The following PIEZO2 variants were observed in gnomAD, a reference collection of about 807,000 sequenced individuals.
The protein encoded by PIEZO2 is piezo type mechanosensitive ion channel component 2.
PIEZO2 carries 172 observed loss-of-function variants against 337.3 expected under a neutral mutation model. The observed-to-expected ratio is 0.51, with a 90% CI of 0.45 to 0.58. The LOEUF is 0.58. Ranked by LOEUF, PIEZO2 falls within the 20% of genes least tolerant of loss-of-function variation. The pLI, the probability that PIEZO2 is intolerant of heterozygous loss-of-function variation, is 0.00. For synonymous variants in PIEZO2, 1,251 were observed against 1,228.5 expected, an observed-to-expected ratio of 1.02 and a Z score of -0.38; for missense variants, 3,028 against 3,391.3, an observed-to-expected ratio of 0.89 and a Z score of 2.66.
chr18:11,034,512 C>G (rs2036855555), intron 2 of PIEZO2, among the ~76,000 whole-genome samples: 2 of 152,104 alleles, frequency 1.3e-5, no homozygotes, highest in Admixed American at 1.3e-4. Context: ...CCAGGATGGT[C>G]TCGATCTCCT....
chr18:11,034,062 C>G (rs2036833793), intron 2 of PIEZO2, among the ~76,000 whole-genome samples: 2 of 152,136 alleles, frequency 1.3e-5, no homozygotes, highest in African/African-American at 4.8e-5. Flanking sequence ...GTGGCCTCTT[C>G]TCACCCAATG....
intron 29 of PIEZO2, among the ~76,000 whole-genome samples, chr18:10,749,149 A>AT (rs747857728): frequency 6.6e-6 from 1 of 151,930 alleles, no homozygotes; most frequent in Non-Finnish European, 1.5e-5. Flanking sequence ...AAATCACATA[A>AT]TAAAAAAAAA....
intron 1 of PIEZO2, among the ~76,000 whole-genome samples, chr18:11,086,496 GCA>G (rs2038919557): frequency 6.9e-6 from 1 of 145,502 alleles, no homozygotes; most frequent in African/African-American, 2.7e-5. Flanking sequence ...TCCAGCCTGG[GCA>G]ACAGAGCGAG....
At chr18:11,055,570 T>G (rs1349854366) in intron 2 of PIEZO2, among the ~76,000 whole-genome samples, 1 of 152,158 alleles carries the variant, frequency 6.6e-6, no homozygotes, top group Non-Finnish European at 1.5e-5. Flanking sequence ...AGCACAGAGG[T>G]GCCAATTCAA....
chr18:10,701,285 C>T (rs1034750730), intron 43 of PIEZO2, among the ~76,000 whole-genome samples: 9 of 152,186 alleles, frequency 5.9e-5, no homozygotes, highest in African/African-American at 1.4e-4. Flanking sequence ...GGCGTATTTA[C>T]AAGTTTAGTT....
intron 4 of PIEZO2, 58 bp from the exon 5 acceptor site, chr18:10,871,473 A>G (rs973874647): frequency 2.1e-6 from 3 of 1,447,354 alleles, no homozygotes; most frequent in Non-Finnish European, 1.8e-6. Flanking sequence ...TTCTACGGTT[A>G]AACTGCCTTA....
Position 10,696,415 on chromosome 18 carries a change from CAAT to C in PIEZO2, c.6949_6951del (p.Ile2317del), listed in dbSNP as rs1567957936. On this transcript the variant is annotated inframe_deletion, in exon 46 of 56. Coordinates refer to ENST00000674853, the MANE Select transcript of PIEZO2 (RefSeq NM_001378183.1). ...ACCCCAAAGGCCCAAAAGCCGAAGA[CAAT>C]GATGATGAAGTCCACAGTGTCAGCC... 2.5e-6 allele frequency: 4 copies of C among 1,614,218 alleles called. No individual in the cohort carries two copies. Among genetic ancestry groups the C allele is most frequent in the African/African-American group, 1.3e-5 (1 of 75,056 alleles).
chr18:10,924,638 CA>C (rs1458402951), intron 3 of PIEZO2, among the ~76,000 whole-genome samples: 1 of 152,096 alleles, frequency 6.6e-6, no homozygotes, highest in Non-Finnish European at 1.5e-5. Flanking sequence ...CATTTTTGCC[CA>C]ACAAAAATTT....
intron 27 of PIEZO2, among the ~76,000 whole-genome samples, chr18:10,753,858 CT>C (rs548949328): frequency 6.6e-5 from 10 of 152,162 alleles, no homozygotes; most frequent in East Asian, 1.9e-4. Context: ...ATTTTTATAA[CT>C]TTTTTTCTAA....
At position 11,031,521 on chromosome 18, in the gene PIEZO2, T is replaced by C. The variant is rs1411213888; in HGVS notation, c.160+34606A>G. Among the ~76,000 whole-genome samples the C allele has an allele frequency of 2.0e-5, 3 of 152,236 alleles. No individual in the cohort carries two copies. On this transcript the variant is annotated intron_variant, in intron 2 of 55. Coordinates refer to ENST00000674853, the MANE Select transcript of PIEZO2 (RefSeq NM_001378183.1). The surrounding 1 kb of genome is among the most constrained non-coding windows in gnomAD (Gnocchi z 4.7). ...TTTTATAACACTGGAACTTATACTA[T>C]TTGATATTTTAATATTCTTCACAGA...
intron 39 of PIEZO2, among the ~76,000 whole-genome samples, chr18:10,711,409 G>A (rs968246441): frequency 3.3e-5 from 5 of 152,034 alleles, no homozygotes; most frequent in African/African-American, 9.7e-5. Context: ...TGATACTCAG[G>A]AGGCCTATAA....
Position 10,736,730 on chromosome 18 carries a change from C to T in PIEZO2, c.4709-20G>A, listed in dbSNP as rs186652632. ...TGACCACTAAGCAAAACAAAATATT[C>T]ACTCATTTCTTGAAAGACATATAAG... On this transcript the variant is annotated intron_variant, in intron 33 of 55. Coordinates refer to ENST00000674853, the MANE Select transcript of PIEZO2 (RefSeq NM_001378183.1). The T allele has an allele frequency of 6.5e-7, 1 of 1,532,488 alleles. No individual in the cohort carries two copies. Among genetic ancestry groups the T allele is most frequent in the East Asian group, 2.4e-5 (1 of 40,844 alleles). The allele number at this position is 1,532,488 out of a possible 1,614,324, so 94.9% of individuals were successfully genotyped here. A position where few individuals can be genotyped will look rare whatever the true frequency, so the allele number is the denominator to read the frequency against.
intron 2 of PIEZO2, among the ~76,000 whole-genome samples, chr18:11,007,103 T>G (rs1467533472): frequency 6.6e-6 from 1 of 152,210 alleles, no homozygotes; most frequent in Non-Finnish European, 1.5e-5. Context: ...CTTATTTTGC[T>G]ATCAAACACT....
chr18:10,767,694 G>A lies in PIEZO2; in HGVS notation c.2946+2454C>T, dbSNP rs1465662107. ...CATGTGTACAAGCAGAGCAGGGCCT[G>A]TGTGAGGGTGGCCCCTGGTCCTGAT... On this transcript the variant is annotated intron_variant, in intron 21 of 55. Coordinates refer to ENST00000674853, the MANE Select transcript of PIEZO2 (RefSeq NM_001378183.1). The surrounding 1 kb of genome is among the most constrained non-coding windows in gnomAD (Gnocchi z 4.2). Among the ~76,000 whole-genome samples, 5 of 152,168 alleles carry A rather than the reference G, an allele frequency of 3.3e-5. No individual in the cohort carries two copies. The highest frequency in any genetic ancestry group is 7.4e-5 in the Non-Finnish European group (5 of 68,024).
In PIEZO2 at chr18:11,127,585, A is replaced by C. The variant is rs1431304677; in HGVS notation, c.64+20940T>G. ...TCGAACATCAGGCTCCAAGTTCTTC[A>C]GTTTCGAGACTCAGACTGGCTCTCC... On this transcript the variant is annotated intron_variant, in intron 1 of 55. Coordinates refer to ENST00000674853, the MANE Select transcript of PIEZO2 (RefSeq NM_001378183.1). This position sits in a 1 kb window ranked among gnomAD's most constrained non-coding sequence, Gnocchi z 4.5. Among the ~76,000 whole-genome samples the C allele has an allele frequency of 6.6e-6, 1 of 152,030 alleles. No individual in the cohort carries two copies. The highest frequency in any genetic ancestry group is 1.5e-5 in the Non-Finnish European group (1 of 68,026).
Position 10,780,312 on chromosome 18 carries a change from T to C in PIEZO2, c.2534+13A>G. 1.4e-6 allele frequency: 1 copy of C among 702,794 alleles called. No individual in the cohort carries two copies. The highest frequency in any genetic ancestry group is 2.6e-6 in the Non-Finnish European group (1 of 384,890). The allele number at this position is 702,794 out of a possible 1,614,324, so 43.5% of individuals were successfully genotyped here. The stretch of plus-strand genomic sequence containing the variant: ...TCGAACAAAAATAAGAGAGAAAACA[T>C]TGAAGTACCCACCTATTTATTATTA... On this transcript the variant is annotated intron_variant, in intron 18 of 55. Transcript: ENST00000674853.
At chr18:11,098,845 T>C (rs1180432168) in intron 1 of PIEZO2, among the ~76,000 whole-genome samples, 1 of 152,138 alleles carries the variant, frequency 6.6e-6, no homozygotes, top group African/African-American at 2.4e-5. Flanking sequence ...TCACCCAGGC[T>C]GCAGTGCATT....
At chr18:11,137,047 G>A (rs1310261531) in intron 1 of PIEZO2, among the ~76,000 whole-genome samples, 2 of 152,144 alleles carry the variant, frequency 1.3e-5, no homozygotes, top group Non-Finnish European at 2.9e-5. Flanking sequence ...AAGCCAATTC[G>A]AATCTAAACA....
chr18:10,883,655 A>G (rs1002476574), intron 4 of PIEZO2, among the ~76,000 whole-genome samples: 1 of 152,120 alleles, frequency 6.6e-6, no homozygotes, highest in African/African-American at 2.4e-5. Flanking sequence ...CAAGAATACA[A>G]TACATTAGTA....
Sources: allele counts gnomAD v4.1 joint callset (sites outside exome capture counted in the v4.1 genomes callset), GRCh38; gene constraint gnomAD v4.1.1; non-coding constraint Gnocchi (gnomAD v3.1); transcripts MANE v1.5; gene names NCBI Gene and HGNC (gene_info 2026-07-23, HGNC 2026-07-21).